The following RET variants were observed in gnomAD, a reference collection of about 807,000 sequenced individuals.
RET encodes proto-oncogene tyrosine-protein kinase receptor Ret.
In RET, 19 loss-of-function variants were observed where a neutral mutation model predicts 118.3. That is an observed-to-expected ratio of 0.16 (90% CI 0.11 to 0.24). RET has a LOEUF of 0.24. Ranked by LOEUF, RET falls within the 10% of genes least tolerant of loss-of-function variation. RET has a pLI of 1.00. For missense variants in RET, 1,219 were observed against 1,502.1 expected (o/e 0.81, Z 3.12); for synonymous variants, 597 against 644.1 (o/e 0.93, Z 1.11).
At chr10:43,077,418 C>G in intron 1 of RET, 87 bp downstream of exon 1, 1 of 1,431,194 alleles carries the variant, frequency 7.0e-7, no homozygotes, top group Non-Finnish European at 9.2e-7. Flanking sequence ...AAGCGCCTTT[C>G]TGTTTGCCGT....
chr10:43,128,513 C>T lies in RET; in HGVS notation c.*244C>T, dbSNP rs1838382941. 8 of 574,844 alleles carry T rather than the reference C, an allele frequency of 1.4e-5. No individual in the cohort carries two copies. The highest frequency in any genetic ancestry group is 2.5e-5 in the Non-Finnish European group (8 of 319,612). The allele number at this position is 574,844 out of a possible 1,614,324, so 35.6% of individuals were successfully genotyped here. The stretch of plus-strand genomic sequence containing the variant: ...CTCTGAGTCTTAGTGGTTAAGCATT[C>T]CTTTCTCTTCAGTGCCCAGCAGCAC... On this transcript the variant is annotated 3_prime_UTR_variant, in exon 20 of 20. Coordinates refer to ENST00000355710, the MANE Select transcript of RET (RefSeq NM_020975.6).
intron 3 of RET, chr10:43,104,730 G>C (rs767830343): frequency 1.9e-5 from 13 of 683,966 alleles, no homozygotes; most frequent in Non-Finnish European, 2.9e-5. Flanking sequence ...CAGGACGTAA[G>C]CACAGTCATC....
At chr10:43,082,541 C>T (rs1464669021) in intron 1 of RET, among the ~76,000 whole-genome samples, 1 of 152,184 alleles carries the variant, frequency 6.6e-6, no homozygotes, top group East Asian at 1.9e-4. Flanking sequence ...GGCCCTACAG[C>T]CCCAGGTTCT....
chr10:43,088,862 A>G (rs1837350665), intron 1 of RET, among the ~76,000 whole-genome samples: 1 of 152,050 alleles, frequency 6.6e-6, no homozygotes, highest in African/African-American at 2.4e-5. Context: ...TCCAACCAGC[A>G]TTCACCTCCG....
chr10:43,119,642 C>T lies in RET; in HGVS notation c.2504C>T (p.Ser835Phe), dbSNP rs2132946834. Residue 835 changes from serine to phenylalanine, a missense_variant, in exon 14 of 20, where the codon TCC becomes TTC. Coordinates refer to ENST00000355710, the MANE Select transcript of RET (RefSeq NM_020975.6). The stretch of plus-strand genomic sequence containing the variant: ...CTGGGCAGTGGAGGCAGCCGCAACT[C>T]CAGCTCCCTGGACCACCCGGATGAG... ...GYLGSGGSRN[S>F]SSLDHPDERA... The T allele has an allele frequency of 3.7e-6, 6 of 1,613,222 alleles. No homozygotes were observed. The South Asian group carries it at 6.6e-5, about 18-fold the overall frequency.
chr10:43,121,472 T>C (rs977886231), intron 15 of RET, among the ~76,000 whole-genome samples: 2 of 151,946 alleles, frequency 1.3e-5, no homozygotes, highest in Non-Finnish European at 2.9e-5. Flanking sequence ...CACCCTGCAA[T>C]ACAATAAGAG....
At position 43,108,950 on chromosome 10, in the gene RET, G is replaced by T. The variant is rs1837846415; in HGVS notation, c.1064-81G>T. ...GTGTTTGCACCAGTGTGAGTGCAGG[G>T]CTGTGTCTGGGAAGAGGTGTGCTAC... On this transcript the variant is annotated intron_variant, in intron 5 of 19. Coordinates refer to ENST00000355710, the MANE Select transcript of RET (RefSeq NM_020975.6). The T allele has an allele frequency of 2.2e-6, 3 of 1,359,654 alleles. No individual in the cohort carries two copies. In the South Asian group the frequency reaches 3.5e-5, roughly 16 times the overall value. The allele number at this position is 1,359,654 out of a possible 1,614,324, so 84.2% of individuals were successfully genotyped here.
chr10:43,121,193 C>T (rs967905080), intron 15 of RET, among the ~76,000 whole-genome samples: 7 of 152,212 alleles, frequency 4.6e-5, no homozygotes, highest in Non-Finnish European at 1.0e-4. Flanking sequence ...CATTCTTATA[C>T]AAGACGTGCA....
intron 5 of RET, among the ~76,000 whole-genome samples, chr10:43,108,814 T>A (rs1325273873): frequency 2.0e-5 from 3 of 152,046 alleles, no homozygotes; most frequent in Non-Finnish European, 4.4e-5. Context: ...CTGCCTCAAA[T>A]TGAGAAGGGT....
At chr10:43,092,166 A>G in intron 1 of RET, among the ~76,000 whole-genome samples, 1 of 152,268 alleles carries the variant, frequency 6.6e-6, no homozygotes, top group Non-Finnish European at 1.5e-5. Context: ...TAAAAAGGAA[A>G]AAAAATTTGC....
chr10:43,120,404 C>T (rs1490024825), intron 15 of RET, among the ~76,000 whole-genome samples: 3 of 152,226 alleles, frequency 2.0e-5, no homozygotes, highest in Non-Finnish European at 2.9e-5. Context: ...ATGTCCTTCT[C>T]CTCCAGGGCC....
chr10:43,112,371 C>CTATGCTGGCATCG, intron 8 of RET, 147 bp downstream of exon 8: 2 of 1,239,418 alleles, frequency 1.6e-6, no homozygotes, highest in Non-Finnish European at 2.3e-6. Context: ...TCGATGCCAG[C>CTATGCTGGCATCG]ATAGCGGGCA....
chr10:43,091,885 G>T (rs556553927), intron 1 of RET, among the ~76,000 whole-genome samples: 1 of 150,208 alleles, frequency 6.7e-6, no homozygotes, highest in South Asian at 2.1e-4. Context: ...GAACCCTTGC[G>T]CACTGCTGGA....
At chr10:43,077,667 G>A (rs2132503058) in intron 1 of RET, among the ~76,000 whole-genome samples, 1 of 152,252 alleles carries the variant, frequency 6.6e-6, no homozygotes, top group East Asian at 1.9e-4. Context: ...TGGAGCAAAC[G>A]GGACAGCCGT....
intron 3 of RET, among the ~76,000 whole-genome samples, chr10:43,103,922 A>G (rs1278113040): frequency 6.6e-6 from 1 of 152,086 alleles, no homozygotes; most frequent in Non-Finnish European, 1.5e-5. Context: ...TTCAGCGGTG[A>G]CCTTCCGCCT....
At chr10:43,098,484 C>T (rs1348107784) in intron 1 of RET, among the ~76,000 whole-genome samples, 1 of 147,806 alleles carries the variant, frequency 6.8e-6, no homozygotes, top group Non-Finnish European at 1.5e-5. Context: ...TGCAATGGCA[C>T]AATCTCGGCT....
chr10:43,119,419 C>T, intron 13 of RET, 112 bp from the exon 14 acceptor site: 1 of 796,654 alleles, frequency 1.3e-6, no homozygotes, highest in Non-Finnish European at 2.0e-6. Context: ...GTGTCCACCC[C>T]CTTACTCATT....
intron 1 of RET, among the ~76,000 whole-genome samples, chr10:43,079,846 C>T (rs1425051154): frequency 6.6e-6 from 1 of 152,154 alleles, no homozygotes; most frequent in Non-Finnish European, 1.5e-5. Flanking sequence ...GCCAGGGGTA[C>T]AGCTCCCCCT....
At chr10:43,090,165 A>G (rs540519189) in intron 1 of RET, among the ~76,000 whole-genome samples, 13 of 152,332 alleles carry the variant, frequency 8.5e-5, no homozygotes, top group African/African-American at 2.6e-4. Flanking sequence ...ACCTGTGAAC[A>G]GCTGTGTTTG....
Sources: gnomAD v4.1 joint callset for allele counts (sites outside exome capture counted in the v4.1 genomes callset) on GRCh38, gnomAD v4.1.1 for gene constraint, MANE v1.5 for transcripts, NCBI Gene and HGNC (gene_info 2026-07-23, HGNC 2026-07-21) for gene names.